ENTREP2: variants seen among roughly 807,000 people sequenced by gnomAD.
ENTREP2 encodes endosomal transmembrane epsin interactor 2.
chr15:29,273,057 A>G, the ENTREP2 span, among the ~76,000 whole-genome samples: 1 of 152,134 alleles, frequency 6.6e-6, no homozygotes, highest in Non-Finnish European at 1.5e-5. Flanking sequence ...GCCTAATGGC[A>G]TTTAGAGCGG....
At chr15:29,243,136 C>T in the ENTREP2 span, among the ~76,000 whole-genome samples, 14 of 151,272 alleles carry the variant, frequency 9.3e-5, no homozygotes, top group Middle Eastern at 3.4e-3. Context: ...TCGCCATGAA[C>T]ACACACACAC....
the ENTREP2 span, among the ~76,000 whole-genome samples, chr15:29,304,387 C>CA: frequency 6.6e-6 from 1 of 152,184 alleles, no homozygotes; most frequent in Admixed American, 6.5e-5. Flanking sequence ...ACCACACAAT[C>CA]AGCCATGAAA....
At chr15:29,187,686 A>C in the ENTREP2 span, among the ~76,000 whole-genome samples, 2 of 152,120 alleles carry the variant, frequency 1.3e-5, no homozygotes, top group South Asian at 4.1e-4. Context: ...GGTGCTCAAA[A>C]ATTTTCTCTG....
chr15:29,263,656 C>T, the ENTREP2 span, among the ~76,000 whole-genome samples: 1 of 152,320 alleles, frequency 6.6e-6, no homozygotes, highest in South Asian at 2.1e-4. Flanking sequence ...ATGGCAGTAT[C>T]AGTGTAATCT....
At chr15:29,445,468 C>T in the ENTREP2 span, among the ~76,000 whole-genome samples, 1 of 152,246 alleles carries the variant, frequency 6.6e-6, no homozygotes, top group East Asian at 1.9e-4. Flanking sequence ...AATCACCCAA[C>T]AACCAATGAT....
the ENTREP2 span, among the ~76,000 whole-genome samples, chr15:29,581,542 T>C: frequency 6.6e-6 from 1 of 152,086 alleles, no homozygotes; most frequent in Non-Finnish European, 1.5e-5. Flanking sequence ...CCCAGCAAAG[T>C]TGACACAAAA....
chr15:29,629,970 G>T, the ENTREP2 span, among the ~76,000 whole-genome samples: 1 of 151,886 alleles, frequency 6.6e-6, no homozygotes, highest in Non-Finnish European at 1.5e-5. Flanking sequence ...TACAAAAATT[G>T]GCGGGGCATG....
chr15:29,571,734 T>C, the ENTREP2 span, among the ~76,000 whole-genome samples: 1 of 152,210 alleles, frequency 6.6e-6, no homozygotes, highest in Non-Finnish European at 1.5e-5. Context: ...GTTTAAAATA[T>C]CTAAGTACTG....
At chr15:29,604,969 C>A in the ENTREP2 span, among the ~76,000 whole-genome samples, 1 of 152,182 alleles carries the variant, frequency 6.6e-6, no homozygotes, top group African/African-American at 2.4e-5. Context: ...TGACACAAAC[C>A]GTGGTATTTA....
the ENTREP2 span, among the ~76,000 whole-genome samples, chr15:29,202,177 T>C: frequency 6.6e-6 from 1 of 152,082 alleles, no homozygotes; most frequent in African/African-American, 2.4e-5. Context: ...CTTGCTAGAG[T>C]TTTGTCAATG....
At chr15:29,307,855 C>A in the ENTREP2 span, among the ~76,000 whole-genome samples, 2 of 152,192 alleles carry the variant, frequency 1.3e-5, no homozygotes. Context: ...CTTGGACTTT[C>A]CAGCCTCCAG....
chr15:29,640,901 A>G, the ENTREP2 span, among the ~76,000 whole-genome samples: 1 of 152,212 alleles, frequency 6.6e-6, no homozygotes, highest in East Asian at 1.9e-4. Context: ...AGTATCTCTT[A>G]TGAGTACAGA....
the ENTREP2 span, among the ~76,000 whole-genome samples, chr15:29,156,573 T>C: frequency 6.6e-6 from 1 of 151,814 alleles, no homozygotes; most frequent in Non-Finnish European, 1.5e-5. Flanking sequence ...TAAACATCGG[T>C]TGAAGTGAGA....
chr15:29,235,885 C>T, the ENTREP2 span, among the ~76,000 whole-genome samples: 1 of 151,972 alleles, frequency 6.6e-6, no homozygotes, highest in African/African-American at 2.4e-5. Flanking sequence ...ACTGCTTGAA[C>T]CCGTGAGGCA....
the ENTREP2 span, among the ~76,000 whole-genome samples, chr15:29,280,051 G>C: frequency 6.6e-6 from 1 of 152,068 alleles, no homozygotes; most frequent in Non-Finnish European, 1.5e-5. Flanking sequence ...TTTCCGTTTT[G>C]ATGTATCCGC....
At chr15:29,416,752 A>C in the ENTREP2 span, among the ~76,000 whole-genome samples, 1,902 of 152,298 alleles carry the variant, frequency 0.012, 36 homozygotes, top group African/African-American at 0.043. Flanking sequence ...TACTCATCTG[A>C]CAAAGGGCTC....
At chr15:29,346,316 C>T in the ENTREP2 span, among the ~76,000 whole-genome samples, 7 of 152,170 alleles carry the variant, frequency 4.6e-5, no homozygotes, top group Non-Finnish European at 1.0e-4. Flanking sequence ...CACTCACCGG[C>T]CGGGGACTGC....
chr15:29,389,278 T>C, the ENTREP2 span, among the ~76,000 whole-genome samples: 7 of 152,156 alleles, frequency 4.6e-5, no homozygotes, highest in Admixed American at 4.6e-4. Flanking sequence ...TTAGGTCACC[T>C]AGTCTATGCT....
At chr15:29,269,646 G>A in the ENTREP2 span, 2 of 1,574,454 alleles carry the variant, frequency 1.3e-6, no homozygotes, top group Non-Finnish European at 8.6e-7. Context: ...TATGGCTCCA[G>A]TCTCTGTCCC....
Sources: gnomAD v4.1 joint callset for allele counts (sites outside exome capture counted in the v4.1 genomes callset) on GRCh38, gnomAD v4.1.1 for gene constraint, MANE v1.5 for transcripts, NCBI Gene and HGNC (gene_info 2026-07-23, HGNC 2026-07-21) for gene names.